SORCS1: variants seen among roughly 807,000 people sequenced by gnomAD.
SORCS1 encodes the protein sortilin related VPS10 domain containing receptor 1.
In SORCS1, 60 loss-of-function variants were observed where a neutral mutation model predicts 146.1. The observed-to-expected ratio is 0.41, with a 90% CI of 0.33 to 0.51. The LOEUF (loss-of-function observed/expected upper bound fraction) is 0.51. Among genes scored for constraint, SORCS1 ranks in the 20% least tolerant of loss-of-function variants. The pLI is 0.21. For synonymous variants in SORCS1, 637 were observed against 584.0 expected, an observed-to-expected ratio of 1.09 and a Z score of -1.31; for missense variants, 1,352 against 1,487.6, an observed-to-expected ratio of 0.91 and a Z score of 1.50.
At chr10:107,094,061 C>T (rs1213803039) in intron 1 of SORCS1, among the ~76,000 whole-genome samples, 1 of 152,192 alleles carries the variant, frequency 6.6e-6, no homozygotes, top group African/African-American at 2.4e-5. Flanking sequence ...GACTTTCTAA[C>T]ATTCTCCCTT....
At position 106,576,283 on chromosome 10, in the gene SORCS1, G is replaced by A. The variant is rs1844572572; in HGVS notation, c.*1137C>T. 1 of 152,780 alleles carries A rather than the reference G, an allele frequency of 6.5e-6. No homozygotes were observed. Among genetic ancestry groups the A allele is most frequent in the South Asian group, 2.1e-4 (1 of 4,832 alleles). 9.5% of individuals were successfully genotyped at this position (152,780 alleles called of 1,614,324 possible). On this transcript the variant is annotated 3_prime_UTR_variant, in exon 26 of 26. Transcript: ENST00000263054. ...GGCTCAGAAACTTGTGAGTAGTGGG[G>A]GCAGGGGCGGCACAGGCCAGGCCAG...
chr10:106,959,657 G>A (rs1394062162), intron 1 of SORCS1, among the ~76,000 whole-genome samples: 4 of 152,130 alleles, frequency 2.6e-5, no homozygotes, highest in Non-Finnish European at 5.9e-5. Flanking sequence ...TCAAAATGGG[G>A]CAAAATGAAG....
intron 3 of SORCS1, among the ~76,000 whole-genome samples, chr10:106,788,837 C>A (rs1057004068): frequency 1.3e-5 from 2 of 152,192 alleles, no homozygotes; most frequent in African/African-American, 2.4e-5. Flanking sequence ...CTTCTTACAG[C>A]ACCAATAGGC....
chr10:106,921,695 T>C (rs950982838), intron 2 of SORCS1, among the ~76,000 whole-genome samples: 1 of 152,144 alleles, frequency 6.6e-6, no homozygotes, highest in South Asian at 2.1e-4. Flanking sequence ...GCTACCCCTA[T>C]AGAAACTATA....
chr10:107,056,356 C>A (rs1466101849), intron 1 of SORCS1, among the ~76,000 whole-genome samples: 1 of 152,244 alleles, frequency 6.6e-6, no homozygotes, highest in East Asian at 1.9e-4. Flanking sequence ...AGCACGATCA[C>A]TGCCCCACCT....
intron 1 of SORCS1, among the ~76,000 whole-genome samples, chr10:107,027,241 C>A (rs1199831294): frequency 6.6e-6 from 1 of 151,728 alleles, no homozygotes; most frequent in Non-Finnish European, 1.5e-5. Flanking sequence ...ATTTGGAAGC[C>A]CTCCAGGATC....
chr10:106,962,110 C>T (rs544605042), intron 1 of SORCS1, among the ~76,000 whole-genome samples: 60 of 152,086 alleles, frequency 3.9e-4, no homozygotes, highest in African/African-American at 1.3e-3. Context: ...AAAATGGGGA[C>T]ATATCAGGGC....
rs181857764 is a variant in SORCS1 at position 106,743,979 on chromosome 10, A to G, written c.960-13865T>C. ...AAGACTTTTGCATCATATCACGAACACAGCGTAACACACGATGTAATATTA... is the reference window on the plus strand; with the variant it reads ...AAGACTTTTGCATCATATCACGAACGCAGCGTAACACACGATGTAATATTA... On this transcript the variant is annotated intron_variant, in intron 5 of 25. Transcript: ENST00000263054. 2.6e-5 allele frequency among the ~76,000 whole-genome samples: 4 copies of G among 152,230 alleles called. No homozygotes were observed. The East Asian group carries it at 7.7e-4, about 29-fold the overall frequency.
At chr10:106,618,325 C>T (rs941959302) in intron 20 of SORCS1, 53 bp from the exon 21 acceptor site, 230 of 1,597,836 alleles carry the variant, frequency 1.4e-4, no homozygotes, top group Non-Finnish European at 1.9e-4. Flanking sequence ...TTACAGGTGA[C>T]ACAGCCACTA....
chr10:106,755,788 T>C (rs538211529), intron 5 of SORCS1, among the ~76,000 whole-genome samples: 11 of 152,110 alleles, frequency 7.2e-5, no homozygotes, highest in African/African-American at 2.2e-4. Context: ...TCCCTGGAAA[T>C]AGAGAAAAAG....
intron 1 of SORCS1, among the ~76,000 whole-genome samples, chr10:107,113,443 C>T (rs1296387589): frequency 6.6e-6 from 1 of 152,108 alleles, no homozygotes; most frequent in Non-Finnish European, 1.5e-5. Context: ...AATCCCAGCA[C>T]TTTGGGAGGC....
rs1851679148 is a variant in SORCS1, at chr10:106,672,439, GGAA to G, written c.2058+426_2058+428del. On this transcript the variant is annotated intron_variant, in intron 15 of 25. Coordinates refer to ENST00000263054, the MANE Select transcript of SORCS1 (RefSeq NM_052918.5). ...TAGTTCCAAGGAATCAAGGCAAAGGGGAAGAAGGATTTCTCCGGCAACACTCAC... is the reference window on the plus strand; with the variant it reads ...TAGTTCCAAGGAATCAAGGCAAAGGGGAAGGATTTCTCCGGCAACACTCAC... Among the ~76,000 whole-genome samples, 7 of 152,250 alleles carry G rather than the reference GGAA, an allele frequency of 4.6e-5. No individual in the cohort carries two copies. The East Asian group carries it at 1.4e-3, about 29-fold the overall frequency.
At chr10:107,164,958 G>A (rs1199256722), upstream of SORCS1, among the ~76,000 whole-genome samples, 1 of 150,148 alleles carries the variant, frequency 6.7e-6, no homozygotes. This position sits in a 1 kb window ranked among gnomAD's most constrained non-coding sequence, Gnocchi z 6.8. Flanking sequence ...CCCACTCTGC[G>A]CCCCCGCGGC....
intron 9 of SORCS1, among the ~76,000 whole-genome samples, chr10:106,693,950 C>G (rs1853497148): frequency 6.6e-6 from 1 of 152,020 alleles, no homozygotes; most frequent in South Asian, 2.1e-4. Flanking sequence ...CTCTCAGTCT[C>G]AGACTTAAAT....
At chr10:107,064,393 C>A (rs191279431) in intron 1 of SORCS1, among the ~76,000 whole-genome samples, 1 of 152,120 alleles carries the variant, frequency 6.6e-6, no homozygotes. Context: ...TTTTCCTACC[C>A]GGGGGAAATG....
At chr10:106,870,216 T>C (rs536968517) in intron 2 of SORCS1, among the ~76,000 whole-genome samples, 2 of 152,210 alleles carry the variant, frequency 1.3e-5, no homozygotes, top group Non-Finnish European at 2.9e-5. Context: ...TGGAAAAACA[T>C]CCCATGCTCA....
At chr10:107,038,475 G>A (rs139236081) in intron 1 of SORCS1, among the ~76,000 whole-genome samples, 2,232 of 151,922 alleles carry the variant, frequency 0.015, 30 homozygotes, top group Non-Finnish European at 0.017. Flanking sequence ...CACCAACATG[G>A]CACATGTATA....
At chr10:107,147,498 CTCTCTCTG>C (rs1329377275) in intron 1 of SORCS1, among the ~76,000 whole-genome samples, 4 of 152,168 alleles carry the variant, frequency 2.6e-5, no homozygotes, top group East Asian at 3.8e-4. Context: ...TTCTTTCTCT[CTCTCTCTG>C]TCTCTCTGTC....
chr10:106,685,255 C>T (rs765271458), intron 10 of SORCS1, among the ~76,000 whole-genome samples: 17 of 152,130 alleles, frequency 1.1e-4, no homozygotes, highest in Non-Finnish European at 2.1e-4. Context: ...ACACTCCCAA[C>T]GTGGCACCCC....
Sources: allele counts gnomAD v4.1 joint callset (sites outside exome capture counted in the v4.1 genomes callset), GRCh38; gene constraint gnomAD v4.1.1; non-coding constraint Gnocchi (gnomAD v3.1); transcripts MANE v1.5; gene names NCBI Gene and HGNC (gene_info 2026-07-23, HGNC 2026-07-21).